Variants in SKAP1 observed in about 807,000 individuals in gnomAD.
SKAP1 encodes src kinase-associated phosphoprotein 1.
SKAP1 carries 44 observed loss-of-function variants against 58.5 expected under a neutral mutation model. That is an observed-to-expected ratio of 0.75 (90% confidence interval 0.59 to 0.97). The LOEUF (loss-of-function observed/expected upper bound fraction) is 0.97, where lower values mean the gene tolerates loss of function less well. SKAP1 is among the 50% of genes least tolerant of loss of function. The pLI is 0.00. For missense variants in SKAP1, 390 were observed against 435.2 expected (o/e 0.90, Z 0.92); for synonymous variants, 127 against 149.7 (o/e 0.85, Z 1.11).
chr17:48,246,954 T>C (rs1044251700), intron 4 of SKAP1, among the ~76,000 whole-genome samples: 2 of 152,204 alleles, frequency 1.3e-5, no homozygotes, highest in African/African-American at 4.8e-5. Flanking sequence ...TATGAATGAA[T>C]GTTAGAAAGA....
At position 48,368,476 on chromosome 17, in the gene SKAP1, A is replaced by T. The variant is rs374338823; in HGVS notation, c.153-4662T>A. ...TACATAAGAAAAAGCATATAAATGC[A>T]CACATACAGAGTTGTGTTTATCCTA... On this transcript the variant is annotated intron_variant, in intron 2 of 12. Coordinates refer to ENST00000336915, the MANE Select transcript of SKAP1 (RefSeq NM_003726.4). Among the ~76,000 whole-genome samples, 17 of 152,362 alleles carry T rather than the reference A, an allele frequency of 1.1e-4. No individual in the cohort carries two copies. The South Asian group carries it at 3.5e-3, about 32-fold the overall frequency.
rs951936802 is a variant in SKAP1 at position 48,187,831 on chromosome 17, A to C, written c.442+12T>G. ...GGAGTGAGATGCTGCTGTGTAAATG[A>C]AGAACACTTACTCTTCTCATTAGCA... On this transcript the variant is annotated intron_variant, in intron 6 of 12. Coordinates refer to ENST00000336915, the MANE Select transcript of SKAP1 (RefSeq NM_003726.4). 5.0e-6 allele frequency: 8 copies of C among 1,588,246 alleles called. No homozygotes were observed. Among genetic ancestry groups the C allele is most frequent in the Non-Finnish European group, 6.9e-6 (8 of 1,156,986 alleles).
chr17:48,356,862 T>C (rs1422682595), intron 3 of SKAP1, among the ~76,000 whole-genome samples: 1 of 152,158 alleles, frequency 6.6e-6, no homozygotes, highest in Non-Finnish European at 1.5e-5. Flanking sequence ...AAAAATATTC[T>C]ATATACAAAT....
At chr17:48,340,054 C>T (rs1347479264) in intron 4 of SKAP1, among the ~76,000 whole-genome samples, 1 of 152,066 alleles carries the variant, frequency 6.6e-6, no homozygotes, top group Non-Finnish European at 1.5e-5. Flanking sequence ...GTGGCATGCG[C>T]CTATAATCCC....
chr17:48,257,628 C>CTTTTTTTTTTTTTTTTTTT (rs56225931), intron 4 of SKAP1, among the ~76,000 whole-genome samples: 98 of 111,128 alleles, frequency 8.8e-4, no homozygotes, highest in East Asian at 3.0e-3. Context: ...TTCTTTCTTT[C>CTTTTTTTTTTTTTTTTTTT]TTTTTTTTTT....
chr17:48,164,442 T>C (rs896386414), intron 10 of SKAP1, among the ~76,000 whole-genome samples: 1 of 152,346 alleles, frequency 6.6e-6, no homozygotes, highest in African/African-American at 2.4e-5. Context: ...GGTTCCCTAC[T>C]GTGTGCCTGG....
At chr17:48,371,853 GAAAA>G (rs969327048) in intron 2 of SKAP1, among the ~76,000 whole-genome samples, 19 of 147,838 alleles carry the variant, frequency 1.3e-4, no homozygotes, top group African/African-American at 4.5e-4. Flanking sequence ...AAAAAGAAAA[GAAAA>G]AGAAAAAAAG....
At chr17:48,152,721 C>T (rs966492429) in intron 11 of SKAP1, among the ~76,000 whole-genome samples, 2 of 152,280 alleles carry the variant, frequency 1.3e-5, no homozygotes, top group African/African-American at 4.8e-5. Flanking sequence ...AAAAATTACT[C>T]AGTGATGAAT....
intron 4 of SKAP1, among the ~76,000 whole-genome samples, chr17:48,267,784 G>A (rs2065572274): frequency 6.6e-6 from 1 of 152,104 alleles, no homozygotes; most frequent in Non-Finnish European, 1.5e-5. Flanking sequence ...AACTCCGTTA[G>A]GAAGGGTAAT....
chr17:48,321,080 T>G (rs1483666317), intron 4 of SKAP1, among the ~76,000 whole-genome samples: 1 of 152,088 alleles, frequency 6.6e-6, no homozygotes, highest in African/African-American at 2.4e-5. Flanking sequence ...GCTAGCAGTC[T>G]CCAACAGAAT....
chr17:48,243,132 G>A (rs2065259451), intron 4 of SKAP1, among the ~76,000 whole-genome samples: 1 of 152,054 alleles, frequency 6.6e-6, no homozygotes, highest in African/African-American at 2.4e-5. Flanking sequence ...CAGTCTTTAG[G>A]TAATCAGATA....
chr17:48,180,076 T>C lies in SKAP1; in HGVS notation c.804A>G (p.Glu268=), dbSNP rs777248544. ...IKEPTEEKEE[E]DIYEVLPDEE... ...CACCTGGCAAGACTTCATAAATATC[T>C]TCTTCTTCTTTCTCCTCTGTAGGCT... is the stretch of plus-strand genomic sequence containing the variant. Residue 268 remains glutamate (E), a synonymous_variant, in exon 9 of 13, where the codon GAA becomes GAG. Transcript: ENST00000336915. 7 of 1,586,056 alleles carry C rather than the reference T, an allele frequency of 4.4e-6. No individual in the cohort carries two copies. In the South Asian group the frequency reaches 8.2e-5, roughly 19 times the overall value.
chr17:48,236,733 C>A (rs2065185528), intron 4 of SKAP1, among the ~76,000 whole-genome samples: 1 of 152,074 alleles, frequency 6.6e-6, no homozygotes, highest in Non-Finnish European at 1.5e-5. Flanking sequence ...GGATTCCAGA[C>A]AAAGAGAAAA....
At chr17:48,199,213 C>T (rs570634832) in intron 4 of SKAP1, among the ~76,000 whole-genome samples, 76 of 152,312 alleles carry the variant, frequency 5.0e-4, no homozygotes, top group South Asian at 2.1e-3. Flanking sequence ...TTCTAAAACA[C>T]AGATCATGTC....
intron 4 of SKAP1, among the ~76,000 whole-genome samples, chr17:48,329,736 A>G (rs964941875): frequency 5.9e-5 from 9 of 151,946 alleles, no homozygotes; most frequent in African/African-American, 2.2e-4. Context: ...AAAACAATCA[A>G]TGCTACTTCC....
At chr17:48,371,492 TCAGA>T (rs1204979389) in intron 2 of SKAP1, among the ~76,000 whole-genome samples, 1 of 151,132 alleles carries the variant, frequency 6.6e-6, no homozygotes, top group Non-Finnish European at 1.5e-5. Context: ...ATGAAACAGG[TCAGA>T]CAAACAACTG....
At chr17:48,144,279 TGTTTA>T (rs2063803037) in intron 11 of SKAP1, among the ~76,000 whole-genome samples, 1 of 152,174 alleles carries the variant, frequency 6.6e-6, no homozygotes, top group African/African-American at 2.4e-5. Flanking sequence ...AGGGCTGAGA[TGTTTA>T]AAGCATGAAT....
At chr17:48,275,263 TCTTCTTAGTC>T (rs1294553283) in intron 4 of SKAP1, among the ~76,000 whole-genome samples, 1 of 152,204 alleles carries the variant, frequency 6.6e-6, no homozygotes. Flanking sequence ...CCCAATGACC[TCTTCTTAGTC>T]CTTATTCTCT....
the SKAP1 span, among the ~76,000 whole-genome samples, chr17:48,442,100 A>C: frequency 6.6e-6 from 1 of 152,048 alleles, no homozygotes; most frequent in Non-Finnish European, 1.5e-5. Flanking sequence ...TTAGTGTTTT[A>C]AGGAGGAGGA....
Sources: allele counts gnomAD v4.1 joint callset (sites outside exome capture counted in the v4.1 genomes callset), GRCh38; gene constraint gnomAD v4.1.1; transcripts MANE v1.5; gene names NCBI Gene and HGNC (gene_info 2026-07-23, HGNC 2026-07-21).